ADGRB3: variants seen among roughly 807,000 people sequenced by gnomAD.
ADGRB3 encodes adhesion G protein-coupled receptor B3, also known as brain-specific angiogenesis inhibitor 3.
A neutral mutation model predicts 193.4 loss-of-function variants in ADGRB3; 37 were observed. The observed-to-expected ratio is 0.19, with a 90% CI of 0.15 to 0.25. The LOEUF (loss-of-function observed/expected upper bound fraction) is 0.25. Ranked by LOEUF, ADGRB3 falls within the 10% of genes least tolerant of loss-of-function variation. ADGRB3 has a pLI of 1.00. For missense variants in ADGRB3, 1,637 were observed against 1,852.9 expected (o/e 0.88, Z 2.14); for synonymous variants, 690 against 644.2 (o/e 1.07, Z -1.08).
chr6:68,923,781 A>G (rs1179720242), intron 3 of ADGRB3, among the ~76,000 whole-genome samples: 4 of 152,066 alleles, frequency 2.6e-5, no homozygotes, highest in Non-Finnish European at 5.9e-5. Context: ...TGCATGTCAG[A>G]AAGTTTGGCA....
chr6:69,017,647 C>G, intron 12 of ADGRB3, among the ~76,000 whole-genome samples: 1 of 151,726 alleles, frequency 6.6e-6, no homozygotes, highest in East Asian at 1.9e-4. Flanking sequence ...TCTAGGTAGG[C>G]AGGTAGATAA....
chr6:68,974,905 C>A (rs2150265572), intron 9 of ADGRB3, 41 bp downstream of exon 9: 1 of 1,501,416 alleles, frequency 6.7e-7, no homozygotes, highest in Non-Finnish European at 9.3e-7. Flanking sequence ...TGATAATCCC[C>A]ATCCAAGAAC....
At chr6:68,790,188 T>C (rs1018655405) in intron 3 of ADGRB3, among the ~76,000 whole-genome samples, 4 of 152,158 alleles carry the variant, frequency 2.6e-5, no homozygotes, top group African/African-American at 7.2e-5. Context: ...AGGGTATCCT[T>C]GTTTCTGCCC....
At chr6:68,897,745 G>T (rs1486447683) in intron 3 of ADGRB3, among the ~76,000 whole-genome samples, 3 of 17,614 alleles carry the variant, frequency 1.7e-4, no homozygotes, top group African/African-American at 5.6e-4. Flanking sequence ...GGAAGAGGAA[G>T]GAAGGGAGGG....
chr6:68,976,205 A>T (rs1383548439), intron 10 of ADGRB3, among the ~76,000 whole-genome samples: 2 of 152,220 alleles, frequency 1.3e-5, no homozygotes, highest in Admixed American at 1.3e-4. Context: ...CCTAAAGAGT[A>T]TTCTTGCTTG....
intron 17 of ADGRB3, among the ~76,000 whole-genome samples, chr6:69,195,159 T>G (rs1561948784): frequency 6.6e-6 from 1 of 152,102 alleles, no homozygotes; most frequent in Non-Finnish European, 1.5e-5. Flanking sequence ...AGATTTGAAT[T>G]CTTCCAATAT....
At chr6:69,229,297 A>G (rs554685021) in intron 17 of ADGRB3, among the ~76,000 whole-genome samples, 7 of 152,282 alleles carry the variant, frequency 4.6e-5, no homozygotes, top group East Asian at 1.9e-4. Context: ...CCATATATAC[A>G]TCATCATTTG....
chr6:69,320,230 A>G (rs1768416626), intron 20 of ADGRB3, among the ~76,000 whole-genome samples: 1 of 151,232 alleles, frequency 6.6e-6, no homozygotes, highest in Non-Finnish European at 1.5e-5. Flanking sequence ...CCATCTTTGA[A>G]CCCTTCCTGA....
chr6:69,149,780 A>G (rs535481447), intron 17 of ADGRB3, among the ~76,000 whole-genome samples: 2 of 152,270 alleles, frequency 1.3e-5, no homozygotes, highest in Non-Finnish European at 2.9e-5. Flanking sequence ...CACCCCACAC[A>G]GAGTAATGCT....
intron 20 of ADGRB3, among the ~76,000 whole-genome samples, chr6:69,261,108 T>A (rs2127273374): frequency 6.6e-6 from 1 of 152,308 alleles, no homozygotes; most frequent in Admixed American, 6.5e-5. Context: ...GCAGTTGCAC[T>A]ATTGAATAGA....
intron 17 of ADGRB3, among the ~76,000 whole-genome samples, chr6:69,122,481 A>AGGGGAGAGGGGGAGGGGGG (rs1773736924): frequency 6.2e-4 from 2 of 3,226 alleles, no homozygotes; most frequent in African/African-American, 7.3e-4. Context: ...GGGGAGGGGG[A>AGGGGAGAGGGGGAGGGGGG]GGGGGGAGGG....
chr6:69,114,775 C>T (rs565516348), intron 17 of ADGRB3, among the ~76,000 whole-genome samples: 3 of 152,280 alleles, frequency 2.0e-5, no homozygotes, highest in African/African-American at 7.2e-5. Context: ...GGAATCCTTT[C>T]CCCATTGCTT....
chr6:68,843,654 A>C (rs923989339), intron 3 of ADGRB3, among the ~76,000 whole-genome samples: 1 of 135,796 alleles, frequency 7.4e-6, no homozygotes, highest in African/African-American at 2.6e-5. Context: ...CAATATTCAT[A>C]GAAATAGAAA....
intron 17 of ADGRB3, among the ~76,000 whole-genome samples, chr6:69,143,127 T>A (rs1269974102): frequency 1.3e-5 from 2 of 152,252 alleles, no homozygotes; most frequent in Non-Finnish European, 2.9e-5. Context: ...ATTTCTCTGA[T>A]GATCAATGAT....
In ADGRB3 at chr6:69,361,394, A is replaced by G. The variant is rs1769448386; in HGVS notation, c.4121A>G (p.Gln1374Arg). The G allele has an allele frequency of 6.2e-7, 1 of 1,613,078 alleles. No individual in the cohort carries two copies. Among genetic ancestry groups the G allele is most frequent in the Non-Finnish European group, 8.5e-7 (1 of 1,179,272 alleles). ...CATCTCGCACCCCAGGAACATATGC[A>G]GAATTTGCCCTTTGAACCTCGCACA... ...EQHLAPQEHM[Q>R]NLPFEPRTAV... The change falls in exon 29 of 32, where the codon CAG (glutamine) becomes CGG (arginine). Residue 1374 changes from glutamine (Q) to arginine (R), a missense_variant. By Grantham distance (43) the Gln-to-Arg change is conservative. Coordinates refer to ENST00000370598, the MANE Select transcript of ADGRB3 (RefSeq NM_001704.3).
chr6:69,199,318 A>G (rs1181143662), intron 17 of ADGRB3, among the ~76,000 whole-genome samples: 1 of 152,128 alleles, frequency 6.6e-6, no homozygotes, highest in Non-Finnish European at 1.5e-5. Flanking sequence ...CTCTATAAGC[A>G]GACTGTTTTT....
At chr6:69,317,439 A>C (rs1768337507) in intron 20 of ADGRB3, among the ~76,000 whole-genome samples, 1 of 151,418 alleles carries the variant, frequency 6.6e-6, no homozygotes, top group Non-Finnish European at 1.5e-5. Flanking sequence ...CCAGAAACTA[A>C]TCTTCCCTGT....
intron 3 of ADGRB3, among the ~76,000 whole-genome samples, chr6:68,847,622 C>T (rs941199716): frequency 2.6e-5 from 4 of 152,118 alleles, no homozygotes; most frequent in Admixed American, 6.5e-5. Context: ...TGTCTTTTCG[C>T]CCTCTGCCAT....
intron 3 of ADGRB3, among the ~76,000 whole-genome samples, chr6:68,817,644 T>A (rs566284010): frequency 1.2e-4 from 18 of 151,906 alleles, no homozygotes; most frequent in Middle Eastern, 3.4e-3. Flanking sequence ...TAATAATCTG[T>A]AAGGTTGTTG....
Sources: allele counts gnomAD v4.1 joint callset (sites outside exome capture counted in the v4.1 genomes callset), GRCh38; gene constraint gnomAD v4.1.1; transcripts MANE v1.5; gene names NCBI Gene and HGNC (gene_info 2026-07-23, HGNC 2026-07-21).